Variants in PPP2R3A observed in about 807,000 individuals in gnomAD.
PPP2R3A encodes the protein protein phosphatase 2 regulatory subunit B''alpha.
A neutral mutation model predicts 106.9 loss-of-function variants in PPP2R3A; 80 were observed. The ratio of observed to expected loss-of-function variants is 0.75; its 90% confidence interval spans 0.62 to 0.90. The LOEUF (loss-of-function observed/expected upper bound fraction) is 0.90, where lower values mean the gene tolerates loss of function less well. Among genes scored for constraint, PPP2R3A ranks in the 40% least tolerant of loss-of-function variants. The pLI is 0.00. For synonymous variants in PPP2R3A, 483 were observed against 468.3 expected (o/e 1.03, Z -0.41); for missense variants, 1,386 against 1,350.4 (o/e 1.03, Z -0.41).
In PPP2R3A at chr3:136,137,917, C is replaced by G. The variant is rs574975548; in HGVS notation, c.3330-7126C>G. On this transcript the variant is annotated intron_variant, in intron 13 of 13. Coordinates refer to ENST00000264977, the MANE Select transcript of PPP2R3A (RefSeq NM_002718.5). ...TAGGTAAAGAAAGCCAGCCAGAAAC[C>G]CATTAGAGCAATCGTCCAGGAATGT... 4.6e-5 allele frequency among the ~76,000 whole-genome samples: 7 copies of G among 152,128 alleles called. No homozygotes were observed. In the South Asian group the frequency reaches 8.3e-4, roughly 18 times the overall value.
chr3:136,102,250 T>C, intron 11 of PPP2R3A, 68 bp downstream of exon 11: 4 of 1,504,828 alleles, frequency 2.7e-6, no homozygotes, highest in Non-Finnish European at 3.6e-6. Context: ...GAATCCTAGA[T>C]TGTCCTAAAT....
At chr3:135,983,017 AAT>A (rs913011145) in intron 1 of PPP2R3A, among the ~76,000 whole-genome samples, 18 of 152,274 alleles carry the variant, frequency 1.2e-4, no homozygotes, top group Admixed American at 2.6e-4. Context: ...AAAATGAACT[AAT>A]AACGTTAGAT....
At chr3:135,980,373 G>A (rs969993314) in intron 1 of PPP2R3A, among the ~76,000 whole-genome samples, 1 of 151,304 alleles carries the variant, frequency 6.6e-6, no homozygotes, top group Non-Finnish European at 1.5e-5. Flanking sequence ...ACATAAGACA[G>A]AAGACTTGTT....
chr3:136,027,131 C>G (rs750540377), intron 3 of PPP2R3A, 33 bp downstream of exon 3: 6 of 1,568,524 alleles, frequency 3.8e-6, no homozygotes. Context: ...TACAATCTCC[C>G]CTTCTTTAGA....
rs747811648 is a variant in PPP2R3A, at chr3:136,138,695, ATTTTTTTTTTTTTTTTTTTTTTTT to A, written c.3330-6336_3330-6313del. Among the ~76,000 whole-genome samples, 3 of 50,600 alleles carry A rather than the reference ATTTTTTTTTTTTTTTTTTTTTTTT, an allele frequency of 5.9e-5. No homozygotes were observed. The Admixed American group carries it at 1.1e-3, about 19-fold the overall frequency. 33.2% of individuals were successfully genotyped at this position (50,600 alleles called of 152,430 possible). A position where few individuals can be genotyped will look rare whatever the true frequency, so the allele number is the denominator to read the frequency against. On this transcript the variant is annotated intron_variant, in intron 13 of 13. Transcript: ENST00000264977. ...AGACTCCAAACTAGAGAAATATTGA[ATTTTTTTTTTTTTTTTTTTTTTTT>A]TTTTTTTTTTTGAGACAGTTTCGCT... is the stretch of plus-strand genomic sequence containing the variant.
intron 13 of PPP2R3A, among the ~76,000 whole-genome samples, chr3:136,123,963 C>A (rs934054181): frequency 6.6e-6 from 1 of 152,128 alleles, no homozygotes; most frequent in African/African-American, 2.4e-5. Flanking sequence ...CAGGTGTACA[C>A]AGAACTTTTC....
At chr3:135,973,727 C>G (rs1420626988) in intron 1 of PPP2R3A, among the ~76,000 whole-genome samples, 1 of 152,132 alleles carries the variant, frequency 6.6e-6, no homozygotes, top group East Asian at 1.9e-4. Flanking sequence ...TTTAAACTTC[C>G]AGAACTAAGA....
chr3:136,026,780 A>G (rs1463888138), intron 2 of PPP2R3A, 52 bp from the exon 3 acceptor site: 2 of 1,491,790 alleles, frequency 1.3e-6, no homozygotes, highest in Non-Finnish European at 1.8e-6. Flanking sequence ...AATTTTCAGT[A>G]AATGAATACT....
rs185835374 is a variant in PPP2R3A at position 136,022,762 on chromosome 3, C to G, written c.1996-4070C>G. ...TTCCCAGAAGGCTCCATATTCTCAACATGTGCAGGTCAATTTGACATAAAG... is the reference window on the plus strand; with the variant it reads ...TTCCCAGAAGGCTCCATATTCTCAAGATGTGCAGGTCAATTTGACATAAAG... On this transcript the variant is annotated intron_variant, in intron 2 of 13. Coordinates refer to ENST00000264977, the MANE Select transcript of PPP2R3A (RefSeq NM_002718.5). The G allele has an allele frequency of 2.1e-5, 24 of 1,133,582 alleles. No individual in the cohort carries two copies. In the East Asian group the frequency reaches 1.7e-3, roughly 80 times the overall value. 70.2% of individuals were successfully genotyped at this position (1,133,582 alleles called of 1,614,324 possible). A position where few individuals can be genotyped will look rare whatever the true frequency, so the allele number is the denominator to read the frequency against.
chr3:136,046,646 C>T (rs1935481081), intron 4 of PPP2R3A, among the ~76,000 whole-genome samples: 1 of 152,192 alleles, frequency 6.6e-6, no homozygotes, highest in Non-Finnish European at 1.5e-5. Flanking sequence ...GGAACACCTG[C>T]CCTCACAGAT....
chr3:135,974,668 T>G (rs1437791655), intron 1 of PPP2R3A, among the ~76,000 whole-genome samples: 2 of 152,216 alleles, frequency 1.3e-5, no homozygotes, highest in African/African-American at 4.8e-5. Flanking sequence ...CTCCCTTCCC[T>G]TTCAAACTCT....
At chr3:136,013,342 A>G (rs113629169) in intron 2 of PPP2R3A, among the ~76,000 whole-genome samples, 1,645 of 152,184 alleles carry the variant, frequency 0.011, 25 homozygotes, top group African/African-American at 0.037. Flanking sequence ...TTTTCATATA[A>G]TGACTTCTCT....
At chr3:136,076,827 G>A (rs1451875965) in intron 6 of PPP2R3A, among the ~76,000 whole-genome samples, 2 of 152,084 alleles carry the variant, frequency 1.3e-5, no homozygotes, top group Non-Finnish European at 2.9e-5. Flanking sequence ...GGCACCTGTA[G>A]TGCCAGCTAC....
intron 1 of PPP2R3A, among the ~76,000 whole-genome samples, chr3:135,974,945 C>G (rs1286454699): frequency 6.6e-6 from 1 of 152,186 alleles, no homozygotes; most frequent in Non-Finnish European, 1.5e-5. Context: ...TTTTGTAGAT[C>G]GTAGGCATAT....
chr3:136,013,461 C>T (rs1382586909), intron 2 of PPP2R3A, among the ~76,000 whole-genome samples: 1 of 152,142 alleles, frequency 6.6e-6, no homozygotes, highest in Non-Finnish European at 1.5e-5. Flanking sequence ...TACTAGTTTA[C>T]ATTCCCACCA....
intron 4 of PPP2R3A, among the ~76,000 whole-genome samples, chr3:136,048,820 A>G (rs1183582104): frequency 6.6e-6 from 1 of 152,218 alleles, no homozygotes; most frequent in African/African-American, 2.4e-5. Flanking sequence ...AGAAAGAGGC[A>G]AATTTGGTAG....
intron 6 of PPP2R3A, among the ~76,000 whole-genome samples, chr3:136,072,487 G>A (rs1179498475): frequency 6.6e-6 from 1 of 152,182 alleles, no homozygotes; most frequent in Non-Finnish European, 1.5e-5. Context: ...AGCTACTCAG[G>A]AGGCTGAGGC....
intron 2 of PPP2R3A, among the ~76,000 whole-genome samples, chr3:136,019,649 G>A (rs1934396600): frequency 1.3e-5 from 2 of 152,094 alleles, no homozygotes; most frequent in African/African-American, 2.4e-5. Flanking sequence ...CAGAAACCAA[G>A]CATATATACT....
intron 2 of PPP2R3A, chr3:136,022,901 C>T: frequency 7.0e-7 from 1 of 1,421,760 alleles, no homozygotes; most frequent in Non-Finnish European, 9.1e-7. Flanking sequence ...TCAGGACAAG[C>T]ATAGATTGTG....
Sources: allele counts gnomAD v4.1 joint callset (sites outside exome capture counted in the v4.1 genomes callset), GRCh38; gene constraint gnomAD v4.1.1; transcripts MANE v1.5; gene names NCBI Gene and HGNC (gene_info 2026-07-23, HGNC 2026-07-21).